Variants in ATAD2B observed in about 807,000 individuals in gnomAD.
The protein encoded by ATAD2B is ATPase family AAA domain-containing protein 2B.
Under a neutral mutation model 167.6 loss-of-function variants are expected in ATAD2B, and 40 were observed. That is an observed-to-expected ratio of 0.24 (90% confidence interval 0.19 to 0.31). The LOEUF is 0.31. Among genes scored for constraint, ATAD2B ranks in the 10% least tolerant of loss-of-function variants. The probability of loss-of-function intolerance (pLI) is 1.00; values close to 1 mark genes in which losing one functional copy is unlikely to be tolerated. For synonymous variants in ATAD2B, 579 were observed against 596.5 expected (o/e 0.97, Z 0.43); for missense variants, 1,242 against 1,757.2 (o/e 0.71, Z 5.24).
At chr2:23,703,613 T>C in the ATAD2B span, 2 of 1,342,272 alleles carry the variant, frequency 1.5e-6, no homozygotes, top group South Asian at 1.5e-5. Flanking sequence ...CAGTCACTTG[T>C]TGGAAGTCTT....
the ATAD2B span, among the ~76,000 whole-genome samples, chr2:23,727,028 G>C: frequency 2.0e-5 from 3 of 151,976 alleles, no homozygotes; most frequent in Admixed American, 6.6e-5. Flanking sequence ...AAAACAGATT[G>C]TTAGATTAGA....
At chr2:23,753,989 G>A (rs1391420203) in intron 27 of ATAD2B, among the ~76,000 whole-genome samples, 190 bp downstream of exon 27, 5 of 152,092 alleles carry the variant, frequency 3.3e-5, no homozygotes, top group Non-Finnish European at 5.9e-5. Flanking sequence ...TCTTTCCAGA[G>A]ACAAAATGGT....
chr2:23,700,083 A>C, the ATAD2B span, among the ~76,000 whole-genome samples: 1 of 152,008 alleles, frequency 6.6e-6, no homozygotes, highest in African/African-American at 2.4e-5. This position sits in a 1 kb window ranked among gnomAD's most constrained non-coding sequence, Gnocchi z 4.6. Flanking sequence ...TTTGGATTCC[A>C]TTTGCATCCA....
intron 13 of ATAD2B, among the ~76,000 whole-genome samples, chr2:23,835,978 G>C (rs148772064): frequency 6.6e-6 from 1 of 152,014 alleles, no homozygotes; most frequent in Admixed American, 6.6e-5. Context: ...TCTTATTATG[G>C]GGTCCTTGTC....
At position 23,889,325 on chromosome 2, in the gene ATAD2B, G is replaced by T. The variant is rs149762671; in HGVS notation, c.369-926C>A. Among the ~76,000 whole-genome samples, 32 of 151,996 alleles carry T rather than the reference G, an allele frequency of 2.1e-4. No individual in the cohort carries two copies. In the East Asian group the frequency reaches 5.9e-3, roughly 28 times the overall value. On this transcript the variant is annotated intron_variant, in intron 2 of 27. Transcript: ENST00000238789. ...TGGAATTACAGGCACGTGCCACCATGTCCGGCTAATTTTTGTATTCTTAGT... is the reference window on the plus strand; with the variant it reads ...TGGAATTACAGGCACGTGCCACCATTTCCGGCTAATTTTTGTATTCTTAGT...
intron 6 of ATAD2B, among the ~76,000 whole-genome samples, chr2:23,883,974 T>A (rs1451588705): frequency 1.3e-5 from 2 of 151,916 alleles, no homozygotes; most frequent in African/African-American, 4.8e-5. Context: ...CAAAAACCCC[T>A]CTCTACTAAA....
intron 8 of ATAD2B, among the ~76,000 whole-genome samples, chr2:23,870,356 G>A (rs1695765612): frequency 6.8e-6 from 1 of 146,186 alleles, no homozygotes; most frequent in African/African-American, 2.5e-5. Context: ...GCAAGGTCAG[G>A]GCTCACTACA....
chr2:23,840,417 A>G (rs1162762038), intron 13 of ATAD2B, among the ~76,000 whole-genome samples: 1 of 152,192 alleles, frequency 6.6e-6, no homozygotes, highest in African/African-American at 2.4e-5. Flanking sequence ...TTTTTCAAAG[A>G]ACCAACTTTT....
At chr2:23,708,021 A>C in the ATAD2B span, 1 of 152,232 alleles carries the variant, frequency 6.6e-6, no homozygotes, top group Non-Finnish European at 1.5e-5. Context: ...TGTTGAGTTG[A>C]AGTTGGTACC....
intron 8 of ATAD2B, among the ~76,000 whole-genome samples, chr2:23,875,382 C>T (rs1216104755): frequency 6.6e-6 from 1 of 151,936 alleles, no homozygotes; most frequent in East Asian, 1.9e-4. Context: ...CACCTGTAAT[C>T]CCAGCTACTC....
At chr2:23,923,834 A>C (rs1704303490) in intron 1 of ATAD2B, among the ~76,000 whole-genome samples, 1 of 152,212 alleles carries the variant, frequency 6.6e-6, no homozygotes, top group South Asian at 2.1e-4. Flanking sequence ...AGTGAATGAA[A>C]TAATCTAAAA....
chr2:23,776,784 C>T (rs933382891), intron 22 of ATAD2B, among the ~76,000 whole-genome samples: 1 of 152,124 alleles, frequency 6.6e-6, no homozygotes, highest in African/African-American at 2.4e-5. Flanking sequence ...TATGGTATCC[C>T]TTTATCTTAA....
At chr2:23,924,449 TGGA>T (rs1175539528) in intron 1 of ATAD2B, among the ~76,000 whole-genome samples, 2 of 152,094 alleles carry the variant, frequency 1.3e-5, no homozygotes, top group Admixed American at 1.3e-4. Flanking sequence ...CCTACAAAAC[TGGA>T]GAAGAGCTAA....
At chr2:23,735,820 C>A in the ATAD2B span, among the ~76,000 whole-genome samples, 1 of 152,200 alleles carries the variant, frequency 6.6e-6, no homozygotes, top group African/African-American at 2.4e-5. Context: ...GAAAGCCCAA[C>A]TCCATCACCT....
chr2:23,825,879 T>C (rs1430571812), intron 15 of ATAD2B, among the ~76,000 whole-genome samples: 1 of 152,174 alleles, frequency 6.6e-6, no homozygotes, highest in Non-Finnish European at 1.5e-5. Flanking sequence ...AACATGTTAA[T>C]TACATATATA....
Position 23,884,802 on chromosome 2 carries a change from T to G in ATAD2B, c.747A>C (p.Gln249His). The G allele has an allele frequency of 6.2e-7, 1 of 1,601,050 alleles. No individual in the cohort carries two copies. The highest frequency in any genetic ancestry group is 8.5e-7 in the Non-Finnish European group (1 of 1,173,538). Residue 249 changes from glutamine to histidine, a missense_variant, in exon 6 of 28, where the codon CAA becomes CAC. Physicochemically the swap from Gln to His is conservative, Grantham distance 24. Around this residue, in one of 9 missense-constraint regions of ATAD2B, gnomAD observed 99 missense variants for 160.4 expected, o/e 0.62. Coordinates refer to ENST00000238789, the MANE Select transcript of ATAD2B (RefSeq NM_017552.4). ...KSLRRNSYGI[Q>H]NHHEVSTEGE... ...CCTCAGTAGAAACTTCATGATGATT[T>G]TGTATCCCATAACTATTTCTTCTTA...
intron 1 of ATAD2B, among the ~76,000 whole-genome samples, chr2:23,913,308 T>A (rs1427414689): frequency 6.6e-6 from 1 of 152,154 alleles, no homozygotes; most frequent in Non-Finnish European, 1.5e-5. Context: ...TCTCTACAGA[T>A]TAAAATCTAT....
chr2:23,734,658 C>A, the ATAD2B span, among the ~76,000 whole-genome samples: 10 of 152,094 alleles, frequency 6.6e-5, no homozygotes, highest in African/African-American at 2.4e-4. Context: ...ACAACCAGAT[C>A]TTGTGGGAAT....
At chr2:23,873,882 T>G (rs1301536873) in intron 8 of ATAD2B, among the ~76,000 whole-genome samples, 1 of 152,130 alleles carries the variant, frequency 6.6e-6, no homozygotes, top group Non-Finnish European at 1.5e-5. Context: ...AGTAAATAAC[T>G]GAAAAGCCAA....
Sources: gnomAD v4.1 joint callset for allele counts (sites outside exome capture counted in the v4.1 genomes callset) on GRCh38, gnomAD v4.1.1 for gene constraint, gnomAD v4.1.1 regional missense constraint, Gnocchi (gnomAD v3.1) non-coding constraint, MANE v1.5 for transcripts, NCBI Gene and HGNC (gene_info 2026-07-23, HGNC 2026-07-21) for gene names.